PRKAA1: variants seen among roughly 807,000 people sequenced by gnomAD.
PRKAA1 encodes 5'-AMP-activated protein kinase catalytic subunit alpha-1.
A neutral mutation model predicts 56.9 loss-of-function variants in PRKAA1; 23 were observed. That is an observed-to-expected ratio of 0.40 (90% CI 0.29 to 0.57). The LOEUF (loss-of-function observed/expected upper bound fraction) is 0.57. Ranked by LOEUF, PRKAA1 falls within the 20% of genes least tolerant of loss-of-function variation. The probability of loss-of-function intolerance (pLI) is 0.39; values close to 1 mark genes in which losing one functional copy is unlikely to be tolerated. For synonymous variants in PRKAA1, 226 were observed against 227.0 expected (o/e 1.00, Z 0.04); for missense variants, 413 against 679.7 (o/e 0.61, Z 4.36).
At chr5:40,793,787 C>G (rs186043283) in intron 1 of PRKAA1, among the ~76,000 whole-genome samples, 6 of 152,090 alleles carry the variant, frequency 3.9e-5, no homozygotes, top group Non-Finnish European at 8.8e-5. Context: ...CCTGTCCCCC[C>G]ACACTATCCA....
chr5:40,767,932 A>C (rs1279577112), intron 5 of PRKAA1, among the ~76,000 whole-genome samples: 1 of 152,202 alleles, frequency 6.6e-6, no homozygotes, highest in African/African-American at 2.4e-5. Context: ...CCCTGATGGG[A>C]TCTGACAATA....
intron 4 of PRKAA1, 98 bp from the exon 5 acceptor site, chr5:40,769,601 T>TC: frequency 1.0e-6 from 1 of 1,003,478 alleles, no homozygotes; most frequent in East Asian, 2.4e-5. Flanking sequence ...AAATGATAAA[T>TC]CATCATTTTG....
chr5:40,771,397 G>A (rs1743738960), intron 4 of PRKAA1, among the ~76,000 whole-genome samples: 1 of 152,210 alleles, frequency 6.6e-6, no homozygotes, highest in Non-Finnish European at 1.5e-5. Context: ...CAGCTACTCA[G>A]GAGGCTGAGG....
chr5:40,793,730 C>A (rs1011457226), intron 1 of PRKAA1, among the ~76,000 whole-genome samples: 3 of 152,140 alleles, frequency 2.0e-5, no homozygotes, highest in African/African-American at 7.2e-5. Context: ...GTATCCATGT[C>A]CCCCTTTCTC....
At chr5:40,763,594 C>A (rs114606058) in intron 8 of PRKAA1, among the ~76,000 whole-genome samples, 1 of 151,966 alleles carries the variant, frequency 6.6e-6, no homozygotes, top group Non-Finnish European at 1.5e-5. Context: ...GAATAAAAAT[C>A]GAAGAAAAAC....
chr5:40,770,407 A>C (rs1579721842), intron 4 of PRKAA1, among the ~76,000 whole-genome samples: 1 of 130,430 alleles, frequency 7.7e-6, no homozygotes, highest in East Asian at 2.1e-4. Flanking sequence ...CAGAGGTTGC[A>C]GTGAGCCGAG....
chr5:40,782,433 G>A (rs1043963949), intron 1 of PRKAA1, among the ~76,000 whole-genome samples: 6 of 152,072 alleles, frequency 3.9e-5, no homozygotes, highest in African/African-American at 1.4e-4. Flanking sequence ...CTGGGCTATG[G>A]GACCTTCCCG....
chr5:40,775,479 A>C lies in PRKAA1; in HGVS notation c.294T>G (p.Ser98=), dbSNP rs1413996877. Residue 98 remains serine (S), a synonymous_variant, in exon 3 of 9, where the codon TCT becomes TCG. Coordinates refer to ENST00000397128, the MANE Select transcript of PRKAA1 (RefSeq NM_006251.6). ...IKLYQVISTP[S]DIFMVMEYVS... Reference sequence around the variant, plus strand: ...CATATTCCATCACCATGAAAATATCAGATGGTGTACTGATGACCTGGTACC... The same window carrying C: ...CATATTCCATCACCATGAAAATATCCGATGGTGTACTGATGACCTGGTACC... 1 of 1,605,624 alleles carries C rather than the reference A, an allele frequency of 6.2e-7. No homozygotes were observed. The highest frequency in any genetic ancestry group is 1.3e-5 in the African/African-American group (1 of 74,730).
intron 1 of PRKAA1, among the ~76,000 whole-genome samples, chr5:40,779,693 G>A (rs2112051802): frequency 6.6e-6 from 1 of 152,238 alleles, no homozygotes; most frequent in South Asian, 2.1e-4. Flanking sequence ...AAACTGCAAT[G>A]GGTCACTACC....
At position 40,764,540 on chromosome 5, in the gene PRKAA1, T is replaced by A; in HGVS notation, c.1409A>T (p.Tyr470Phe). ...ATCAATACTACGGAAATCCAGTAGA[T>A]AAGTTCTACTATCCACTTGGTATAA... ...LQLYQVDSRT[Y>F]LLDFRSIDDE... The change falls in exon 8 of 9, where the codon TAT becomes TTT. Residue 470 changes from tyrosine (Y) to phenylalanine (F), a missense_variant. Physicochemically the swap from Tyr to Phe is conservative, Grantham distance 22 (BLOSUM62 3). This residue lies in a region of PRKAA1 where 139 missense variants were observed against 171.5 expected (regional missense o/e 0.81). Transcript: ENST00000397128. 1 of 1,611,972 alleles carries A rather than the reference T, an allele frequency of 6.2e-7. No homozygotes were observed. Among genetic ancestry groups the A allele is most frequent in the South Asian group, 1.1e-5 (1 of 90,980 alleles).
intron 1 of PRKAA1, among the ~76,000 whole-genome samples, chr5:40,791,601 CTAAAGA>C (rs1452563058): frequency 6.6e-6 from 1 of 152,150 alleles, no homozygotes; most frequent in Non-Finnish European, 1.5e-5. Flanking sequence ...GAAATATCTA[CTAAAGA>C]TATTCTAGAC....
intron 1 of PRKAA1, among the ~76,000 whole-genome samples, chr5:40,797,626 C>CAACGCCAAGG (rs756434688): frequency 3.3e-5 from 5 of 152,236 alleles, no homozygotes; most frequent in Non-Finnish European, 7.4e-5. Context: ...GAAATACCGA[C>CAACGCCAAGG]AACGCCAAGG....
chr5:40,783,337 A>G (rs1744339353), intron 1 of PRKAA1, among the ~76,000 whole-genome samples: 1 of 145,950 alleles, frequency 6.9e-6, no homozygotes, highest in Non-Finnish European at 1.5e-5. Context: ...AAAATTATAT[A>G]TGCATTTTAC....
intron 6 of PRKAA1, 121 bp downstream of exon 6, chr5:40,767,343 ACT>A: frequency 1.3e-6 from 1 of 747,068 alleles, no homozygotes; most frequent in Non-Finnish European, 2.1e-6. Flanking sequence ...GTGTCTATAC[ACT>A]CTATTTTTTT....
intron 4 of PRKAA1, 129 bp downstream of exon 4, chr5:40,771,590 A>G (rs532105067): frequency 1.1e-6 from 1 of 877,590 alleles, no homozygotes; most frequent in East Asian, 2.8e-5. Flanking sequence ...GACAAAACAG[A>G]ATACTTTGAT....
intron 1 of PRKAA1, among the ~76,000 whole-genome samples, chr5:40,783,812 T>A (rs2112069888): frequency 6.6e-6 from 1 of 152,228 alleles, no homozygotes; most frequent in South Asian, 2.1e-4. Context: ...TATTAGCAGA[T>A]TCACCTTTTT....
intron 1 of PRKAA1, among the ~76,000 whole-genome samples, chr5:40,792,996 G>A (rs1744778008): frequency 6.6e-6 from 1 of 151,702 alleles, no homozygotes; most frequent in South Asian, 2.1e-4. Flanking sequence ...GAACCCGGGA[G>A]GTGGAAGTTG....
chr5:40,797,399 GCA>G (rs1744971368), intron 1 of PRKAA1, among the ~76,000 whole-genome samples: 1 of 152,120 alleles, frequency 6.6e-6, no homozygotes, highest in Non-Finnish European at 1.5e-5. Flanking sequence ...AACACTAAAG[GCA>G]CAGTCTCATT....
chr5:40,780,065 A>G (rs551034805), intron 1 of PRKAA1, among the ~76,000 whole-genome samples: 1 of 152,128 alleles, frequency 6.6e-6, no homozygotes, highest in Non-Finnish European at 1.5e-5. Flanking sequence ...GAGCTTTCTT[A>G]TATTTTTCAC....
Sources: gnomAD v4.1 joint callset for allele counts (sites outside exome capture counted in the v4.1 genomes callset) on GRCh38, gnomAD v4.1.1 for gene constraint, gnomAD v4.1.1 regional missense constraint, MANE v1.5 for transcripts, NCBI Gene and HGNC (gene_info 2026-07-23, HGNC 2026-07-21) for gene names.